EP400: variants seen among roughly 807,000 people sequenced by gnomAD.
The protein encoded by EP400 is E1A binding protein p400.
In EP400, 105 loss-of-function variants were observed where a neutral mutation model predicts 354.1. The observed-to-expected ratio is 0.30, with a 90% CI of 0.25 to 0.35. EP400 has a LOEUF of 0.35. Among genes scored for constraint, EP400 ranks in the 10% least tolerant of loss-of-function variants. The probability of loss-of-function intolerance (pLI) is 1.00; values close to 1 mark genes in which losing one functional copy is unlikely to be tolerated. For missense variants in EP400, 3,280 were observed against 4,121.0 expected (o/e 0.80, Z 5.59); for synonymous variants, 1,646 against 1,716.9 (o/e 0.96, Z 1.02).
Position 131,990,922 on chromosome 12 carries a change from C to A in EP400, c.2629+208C>A, listed in dbSNP as rs1296225189. 6.6e-6 allele frequency among the ~76,000 whole-genome samples: 1 copy of A among 152,182 alleles called. No homozygotes were observed. The highest frequency in any genetic ancestry group is 1.9e-4 in the East Asian group (1 of 5,194). ...ATGTGCTAGTGTGAGTCAGCACCCCCAAGTTGATAAACTCTGGGACACAGA... is the reference window on the plus strand; with the variant it reads ...ATGTGCTAGTGTGAGTCAGCACCCCAAAGTTGATAAACTCTGGGACACAGA... On this transcript the variant is annotated intron_variant, in intron 9 of 52. Coordinates refer to ENST00000389561, the MANE Select transcript of EP400 (RefSeq NM_015409.5). The surrounding 1 kb of genome is among the most constrained non-coding windows in gnomAD (Gnocchi z 4.2).
intron 1 of EP400, among the ~76,000 whole-genome samples, chr12:131,958,718 A>T (rs993732562): frequency 6.6e-6 from 1 of 152,104 alleles, no homozygotes; most frequent in Non-Finnish European, 1.5e-5. Context: ...ATGGGGTCTC[A>T]CTATGTTGCC....
In EP400 at chr12:132,080,248, TGA is replaced by T. The variant is rs1896339501; in HGVS notation, c.*2576_*2577del. ...CAAGCCCTTGTTCAGATTTGGTGCC[TGA>T]TAAGACAGGGGTTTCTCTTTTTGTG... On this transcript the variant is annotated 3_prime_UTR_variant, in exon 53 of 53. Transcript: ENST00000389561. The T allele has an allele frequency of 1.3e-5, 2 of 152,644 alleles. No individual in the cohort carries two copies. Among genetic ancestry groups the T allele is most frequent in the African/African-American group, 4.8e-5 (2 of 41,464 alleles). The allele number at this position is 152,644 out of a possible 1,614,324, so 9.5% of individuals were successfully genotyped here.
In EP400 at chr12:131,960,794, C is replaced by T; in HGVS notation, c.175C>T (p.Gln59Ter). Residue 59 changes from glutamine (Q) to a stop codon, truncating the protein, a stop_gained, in exon 2 of 53, where the codon CAG (glutamine) becomes TAG (stop). Coordinates refer to ENST00000389561, the MANE Select transcript of EP400 (RefSeq NM_015409.5). LOFTEE classifies it high-confidence loss of function. Reference sequence around the variant, plus strand: ...ACCCCAGTCTCCCAGTTATCAAATACAGCAGCTGATGAATAGGAGCCCTGC... The same window carrying T: ...ACCCCAGTCTCCCAGTTATCAAATATAGCAGCTGATGAATAGGAGCCCTGC... ...SAPQSPSYQI[Q>*]QLMNRSPATG... 1 of 1,593,018 alleles carries T rather than the reference C, an allele frequency of 6.3e-7. No individual in the cohort carries two copies. Among genetic ancestry groups the T allele is most frequent in the Non-Finnish European group, 8.6e-7 (1 of 1,168,074 alleles).
intron 4 of EP400, among the ~76,000 whole-genome samples, 178 bp from the exon 5 acceptor site, chr12:131,981,915 T>C (rs1892693686): frequency 6.6e-6 from 1 of 152,174 alleles, no homozygotes; most frequent in Non-Finnish European, 1.5e-5. Context: ...TGATGCTGAC[T>C]TGCAAAGGTC....
At chr12:132,043,852 A>G (rs984066967) in intron 34 of EP400, 124 bp downstream of exon 34, 2 of 919,874 alleles carry the variant, frequency 2.2e-6, no homozygotes, top group African/African-American at 1.7e-5. Flanking sequence ...AAGTATGGAA[A>G]TGAACTTAAA....
intron 5 of EP400, among the ~76,000 whole-genome samples, chr12:131,983,269 C>T (rs1201119662): frequency 6.6e-6 from 1 of 152,200 alleles, no homozygotes; most frequent in Non-Finnish European, 1.5e-5. Flanking sequence ...AGACGTGCTC[C>T]CTGGACGCCT....
At chr12:132,037,649 A>C (rs1358408478) in intron 30 of EP400, 33 bp from the exon 31 acceptor site, 1 of 1,571,348 alleles carries the variant, frequency 6.4e-7, no homozygotes, top group South Asian at 1.1e-5. Context: ...TTTCCTGGTG[A>C]CTGACTTAGC....
At chr12:131,996,034 A>G (rs187955998) in intron 12 of EP400, among the ~76,000 whole-genome samples, 3 of 152,304 alleles carry the variant, frequency 2.0e-5, no homozygotes, top group Admixed American at 2.0e-4. Context: ...TGCTCTCTCT[A>G]CTCAGCCTGG....
chr12:132,036,532 G>A (rs1485818104), intron 30 of EP400, among the ~76,000 whole-genome samples: 1 of 152,246 alleles, frequency 6.6e-6, no homozygotes, highest in African/African-American at 2.4e-5. Flanking sequence ...GGAGAGGCAG[G>A]CCACCCTCCC....
chr12:131,967,058 G>A (rs1892122206), intron 2 of EP400, among the ~76,000 whole-genome samples: 1 of 151,292 alleles, frequency 6.6e-6, no homozygotes, highest in African/African-American at 2.4e-5. Flanking sequence ...TGGGCCACAG[G>A]GCCACATAGT....
chr12:131,960,813 G>A lies in EP400; in HGVS notation c.194G>A (p.Ser65Asn). ...SYQIQQLMNR[S>N]PATGQNVNIT... ...CAAATACAGCAGCTGATGAATAGGA[G>A]CCCTGCAACCGGGCAGAACGTGAAC... is the stretch of plus-strand genomic sequence containing the variant. Residue 65 changes from serine to asparagine, a missense_variant, in exon 2 of 53, where the codon AGC becomes AAC. Physicochemically the swap from Ser to Asn is conservative, Grantham distance 46 (BLOSUM62 1). This residue lies in a region of EP400 where 172 missense variants were observed against 242.9 expected (regional missense o/e 0.71). Transcript: ENST00000389561. 1 of 1,613,400 alleles carries A rather than the reference G, an allele frequency of 6.2e-7. No homozygotes were observed. The highest frequency in any genetic ancestry group is 8.5e-7 in the Non-Finnish European group (1 of 1,179,952).
chr12:132,039,797 G>A (rs1894837062), intron 32 of EP400, among the ~76,000 whole-genome samples: 1 of 152,246 alleles, frequency 6.6e-6, no homozygotes, highest in African/African-American at 2.4e-5. Context: ...CCAGTACTTT[G>A]GGAAGCCGAG....
At chr12:131,985,998 A>G (rs1382668227) in intron 5 of EP400, among the ~76,000 whole-genome samples, 1 of 152,156 alleles carries the variant, frequency 6.6e-6, no homozygotes, top group African/African-American at 2.4e-5. Flanking sequence ...TTGTTGAGAT[A>G]GGGTCTTGCT....
At chr12:132,024,713 A>G (rs1397481271) in intron 24 of EP400, among the ~76,000 whole-genome samples, 1 of 106,964 alleles carries the variant, frequency 9.3e-6, no homozygotes, top group Non-Finnish European at 1.9e-5. Context: ...CAGCAGCCTC[A>G]GCGGCTACCT....
intron 39 of EP400, 71 bp downstream of exon 39, chr12:132,045,971 C>G (rs1010128804): frequency 1.9e-6 from 3 of 1,552,554 alleles, no homozygotes; most frequent in Non-Finnish European, 2.6e-6. Flanking sequence ...GCAGTTTCAG[C>G]TCCAGTCCTG....
At chr12:131,998,504 A>G (rs1217166968) in intron 12 of EP400, among the ~76,000 whole-genome samples, 2 of 151,896 alleles carry the variant, frequency 1.3e-5, no homozygotes, top group Non-Finnish European at 2.9e-5. Context: ...TCTAGGTACT[A>G]TATATTTTTA....
chr12:132,038,224 GC>G lies in EP400; in HGVS notation c.6207+129del. The G allele has an allele frequency of 4.1e-6, 5 of 1,215,524 alleles. No homozygotes were observed. The highest frequency in any genetic ancestry group is 4.5e-6 in the Non-Finnish European group (4 of 880,540). 75.3% of individuals were successfully genotyped at this position (1,215,524 alleles called of 1,614,324 possible). A position where few individuals can be genotyped will look rare whatever the true frequency, so the allele number is the denominator to read the frequency against. Reference sequence around the variant, plus strand: ...GGCCTGAAGCCCTCTTCCCGTCCCTGCTTTTGGAACCTCCCCACTCCCTTCT... The same window carrying G: ...GGCCTGAAGCCCTCTTCCCGTCCCTGTTTTGGAACCTCCCCACTCCCTTCT... On this transcript the variant is annotated intron_variant, in intron 32 of 52. Transcript: ENST00000389561. This position sits in a 1 kb window ranked among gnomAD's most constrained non-coding sequence, Gnocchi z 4.2.
At chr12:131,996,230 CA>C (rs1006020010) in intron 12 of EP400, among the ~76,000 whole-genome samples, 1 of 151,800 alleles carries the variant, frequency 6.6e-6, no homozygotes, top group African/African-American at 2.4e-5. Flanking sequence ...TGCCTGTGCT[CA>C]GGGGCAGGAG....
intron 6 of EP400, among the ~76,000 whole-genome samples, chr12:131,987,427 A>C (rs989163025): frequency 6.6e-6 from 1 of 152,166 alleles, no homozygotes; most frequent in African/African-American, 2.4e-5. Context: ...ATGAGGTTTT[A>C]AAGTTTTAGT....
Sources: gnomAD v4.1 joint callset for allele counts (sites outside exome capture counted in the v4.1 genomes callset) on GRCh38, gnomAD v4.1.1 for gene constraint, gnomAD v4.1.1 regional missense constraint, Gnocchi (gnomAD v3.1) non-coding constraint, MANE v1.5 for transcripts, NCBI Gene and HGNC (gene_info 2026-07-23, HGNC 2026-07-21) for gene names.